FZR1: variants seen among roughly 807,000 people sequenced by gnomAD.
The protein encoded by FZR1 is fizzy and cell division cycle 20 related 1.
In FZR1, 11 loss-of-function variants were observed where a neutral mutation model predicts 63.6. That is an observed-to-expected ratio of 0.17 (90% CI 0.11 to 0.29). The LOEUF (loss-of-function observed/expected upper bound fraction) is 0.29, where lower values mean the gene tolerates loss of function less well. FZR1 is among the 10% of genes least tolerant of loss of function. The probability of loss-of-function intolerance (pLI) is 1.00; values close to 1 mark genes in which losing one functional copy is unlikely to be tolerated. For missense variants in FZR1, 440 were observed against 687.5 expected, an observed-to-expected ratio of 0.64 and a Z score of 4.03; for synonymous variants, 328 against 297.9, an observed-to-expected ratio of 1.10 and a Z score of -1.04.
Position 3,530,353 on chromosome 19 carries a change from A to AGGGAGAGCGGAT in FZR1, c.655-423_655-412dup, listed in dbSNP as rs1186681159. 7.2e-4 allele frequency among the ~76,000 whole-genome samples: 30 copies of AGGGAGAGCGGAT among 41,484 alleles called. 1 individual carries two copies. Among genetic ancestry groups the AGGGAGAGCGGAT allele is most frequent in the South Asian group, 1.9e-3 (2 of 1,066 alleles). The allele number at this position is 41,484 out of a possible 152,430, so 27.2% of individuals were successfully genotyped here. A position where few individuals can be genotyped will look rare whatever the true frequency, so the allele number is the denominator to read the frequency against. On this transcript the variant is annotated intron_variant, in intron 7 of 13. Transcript: ENST00000441788. ...TTGAGGGAGTGGATGGTTGAGCAGAAGGGAGAGCGGATGGGAGAGCGGATG... is the reference window on the plus strand; with the variant it reads ...TTGAGGGAGTGGATGGTTGAGCAGAAGGGAGAGCGGATGGGAGAGCGGATGGGAGAGCGGATG...
chr19:3,528,794 A>C lies in FZR1; in HGVS notation c.654+980A>C, dbSNP rs957826899. Among the ~76,000 whole-genome samples the C allele has an allele frequency of 2.9e-4, 36 of 124,406 alleles. No individual in the cohort carries two copies. The East Asian group carries it at 4.5e-3, about 16-fold the overall frequency. 81.6% of individuals were successfully genotyped at this position (124,406 alleles called of 152,430 possible). A position where few individuals can be genotyped will look rare whatever the true frequency, so the allele number is the denominator to read the frequency against. ...GCGTGGATGGGTGCGTGGATGGGAG[A>C]GTGGATGGGTACGTGGATGGGTGAG... On this transcript the variant is annotated intron_variant, in intron 7 of 13. Transcript: ENST00000441788.
At chr19:3,511,135 G>C (rs1310732769) in intron 1 of FZR1, among the ~76,000 whole-genome samples, 1 of 152,260 alleles carries the variant, frequency 6.6e-6, no homozygotes, top group Non-Finnish European at 1.5e-5. Context: ...GTGGGGCACT[G>C]CAGCCTTTTG....
chr19:3,521,592 C>G (rs2083102175), intron 1 of FZR1, among the ~76,000 whole-genome samples: 2 of 152,108 alleles, frequency 1.3e-5, no homozygotes, highest in African/African-American at 4.8e-5. Flanking sequence ...GCCTTCACCT[C>G]CCGGGTTCAA....
At chr19:3,517,100 A>AAAATGCC (rs1318461452) in intron 1 of FZR1, among the ~76,000 whole-genome samples, 1 of 152,232 alleles carries the variant, frequency 6.6e-6, no homozygotes, top group African/African-American at 2.4e-5. Flanking sequence ...TCATTCTGGA[A>AAAATGCC]AAATGCCAGC....
rs920159615 is a variant in FZR1, at chr19:3,515,094, G to A, written c.-34-7862G>A. On this transcript the variant is annotated intron_variant, in intron 1 of 13. Coordinates refer to ENST00000441788, the MANE Select transcript of FZR1 (RefSeq NM_016263.4). This position sits in a 1 kb window ranked among gnomAD's most constrained non-coding sequence, Gnocchi z 4.6. ...CCAGGGCAACCAAGCTGCAGGTGTC[G>A]GCCACACAGGCAGAGCCACAGCAGC... Among the ~76,000 whole-genome samples the A allele has an allele frequency of 1.3e-5, 2 of 152,126 alleles. No individual in the cohort carries two copies. Among genetic ancestry groups the A allele is most frequent in the African/African-American group, 2.4e-5 (1 of 41,420 alleles).
At position 3,535,062 on chromosome 19, in the gene FZR1, G is replaced by T; in HGVS notation, c.*226G>T. On this transcript the variant is annotated 3_prime_UTR_variant, in exon 14 of 14. Transcript: ENST00000441788. Reference sequence around the variant, plus strand: ...TGGTCGGGGACCCTCAGCAGCAGGGGCTCTGTCTCCCTTCCCAAAGGGCGA... The same window carrying T: ...TGGTCGGGGACCCTCAGCAGCAGGGTCTCTGTCTCCCTTCCCAAAGGGCGA... The T allele has an allele frequency of 1.7e-6, 1 of 584,394 alleles. No homozygotes were observed. The highest frequency in any genetic ancestry group is 4.6e-4 in the Middle Eastern group (1 of 2,182). The allele number at this position is 584,394 out of a possible 1,614,324, so 36.2% of individuals were successfully genotyped here.
intron 9 of FZR1, 34 bp downstream of exon 9, chr19:3,531,850 C>T: frequency 6.5e-7 from 1 of 1,550,380 alleles, no homozygotes; most frequent in Non-Finnish European, 8.7e-7. Context: ...TGGTGAGCTC[C>T]CTGAGGCCCC....
Position 3,525,298 on chromosome 19 carries a change from C to T in FZR1, c.70-570C>T, listed in dbSNP as rs1027441245. Among the ~76,000 whole-genome samples the T allele has an allele frequency of 1.5e-4, 23 of 152,150 alleles. No homozygotes were observed. Among genetic ancestry groups the T allele is most frequent in the Admixed American group, 1.2e-3 (18 of 15,278 alleles). ...CCACCCCGTCCCGTGGCCCTGCCCTCACCACCCTCCTGCCTGGCAGCGTTG... is the reference window on the plus strand; with the variant it reads ...CCACCCCGTCCCGTGGCCCTGCCCTTACCACCCTCCTGCCTGGCAGCGTTG... On this transcript the variant is annotated intron_variant, in intron 2 of 13. Coordinates refer to ENST00000441788, the MANE Select transcript of FZR1 (RefSeq NM_016263.4). This position sits in a 1 kb window ranked among gnomAD's most constrained non-coding sequence, Gnocchi z 4.2.
intron 10 of FZR1, 152 bp downstream of exon 10, chr19:3,532,247 C>T (rs2083255633): frequency 4.4e-6 from 4 of 915,704 alleles, no homozygotes; most frequent in Middle Eastern, 3.5e-4. Context: ...CCTGCTCAGC[C>T]AGTCCTGCCC....
rs944383793 is a variant in FZR1 at position 3,515,220 on chromosome 19, G to A, written c.-34-7736G>A. 4.6e-5 allele frequency among the ~76,000 whole-genome samples: 7 copies of A among 152,334 alleles called. No homozygotes were observed. Among genetic ancestry groups the A allele is most frequent in the Non-Finnish European group, 8.8e-5 (6 of 68,020 alleles). On this transcript the variant is annotated intron_variant, in intron 1 of 13. Transcript: ENST00000441788. The surrounding 1 kb of genome is among the most constrained non-coding windows in gnomAD (Gnocchi z 4.6). Reference sequence around the variant, plus strand: ...CACTGCTGATGTGCAGCGAGGGTCCGGGTTGCTGCTAAACTCCCTCGACCC... The same window carrying A: ...CACTGCTGATGTGCAGCGAGGGTCCAGGTTGCTGCTAAACTCCCTCGACCC...
At chr19:3,534,587 C>G in intron 13 of FZR1, 74 bp downstream of exon 13, 1 of 1,047,064 alleles carries the variant, frequency 9.6e-7, no homozygotes, top group Non-Finnish European at 1.5e-6. Context: ...CCCCACTGTC[C>G]TCGGGCGTAC....
In FZR1 at chr19:3,526,525, G is replaced by C. The variant is rs1384111335; in HGVS notation, c.387+139G>C. The C allele has an allele frequency of 1.5e-6, 1 of 658,996 alleles. No individual in the cohort carries two copies. Among genetic ancestry groups the C allele is most frequent in the East Asian group, 2.7e-5 (1 of 36,582 alleles). The allele number at this position is 658,996 out of a possible 1,614,324, so 40.8% of individuals were successfully genotyped here. A position where few individuals can be genotyped will look rare whatever the true frequency, so the allele number is the denominator to read the frequency against. Reference sequence around the variant, plus strand: ...GGCTCAGCACCCCCGCCCTGACCCTGTTCCTTAGCCAGGTCAGGGGCCCTG... The same window carrying C: ...GGCTCAGCACCCCCGCCCTGACCCTCTTCCTTAGCCAGGTCAGGGGCCCTG... On this transcript the variant is annotated intron_variant, in intron 5 of 13. Transcript: ENST00000441788. The surrounding 1 kb of genome is among the most constrained non-coding windows in gnomAD (Gnocchi z 5.4).
chr19:3,526,934 C>A lies in FZR1; in HGVS notation c.388-46C>A. 1 of 1,392,524 alleles carries A rather than the reference C, an allele frequency of 7.2e-7. No homozygotes were observed. Among genetic ancestry groups the A allele is most frequent in the Non-Finnish European group, 1.0e-6 (1 of 984,958 alleles). The allele number at this position is 1,392,524 out of a possible 1,614,324, so 86.3% of individuals were successfully genotyped here. On this transcript the variant is annotated intron_variant, in intron 5 of 13. Transcript: ENST00000441788. The surrounding 1 kb of genome is among the most constrained non-coding windows in gnomAD (Gnocchi z 5.4). ...GGGCTGCTGGGGGGCTCTGAGGGTC[C>A]TGCGGCCTGGGCGTGCGCTCAGCTG...
chr19:3,515,737 G>T lies in FZR1; in HGVS notation c.-34-7219G>T, dbSNP rs975290979. Among the ~76,000 whole-genome samples, 5 of 149,410 alleles carry T rather than the reference G, an allele frequency of 3.3e-5. No homozygotes were observed. The highest frequency in any genetic ancestry group is 5.0e-5 in the African/African-American group (2 of 40,186). On this transcript the variant is annotated intron_variant, in intron 1 of 13. Coordinates refer to ENST00000441788, the MANE Select transcript of FZR1 (RefSeq NM_016263.4). This position sits in a 1 kb window ranked among gnomAD's most constrained non-coding sequence, Gnocchi z 4.6. ...GCAGAGATCGCACCACTGCAGTCCAGCCTGGGTGACAGAGCCAGACTCCGT... is the reference window on the plus strand; with the variant it reads ...GCAGAGATCGCACCACTGCAGTCCATCCTGGGTGACAGAGCCAGACTCCGT...
In FZR1 at chr19:3,531,982, C is replaced by T; in HGVS notation, c.895C>T (p.Arg299Cys). ...CCGCATGATCCTGCAGAGGGACATC[C>T]GCACCCCGCCACTGCAGTCGGAGCG... ...RDRMILQRDI[R>C]TPPLQSERRL... is the part of the protein sequence containing the mutation. Residue 299 changes from arginine (R) to cysteine (C), a missense_variant, in exon 10 of 14, where the codon CGC becomes TGC. Physicochemically the swap from Arg to Cys is radical, Grantham distance 180. Transcript: ENST00000441788. 1 of 1,563,296 alleles carries T rather than the reference C, an allele frequency of 6.4e-7. No individual in the cohort carries two copies. Among genetic ancestry groups the T allele is most frequent in the Non-Finnish European group, 8.6e-7 (1 of 1,158,456 alleles).
intron 1 of FZR1, among the ~76,000 whole-genome samples, chr19:3,507,488 C>G (rs1396687526): frequency 6.6e-6 from 1 of 152,142 alleles, no homozygotes; most frequent in Non-Finnish European, 1.5e-5. Flanking sequence ...TTTCTCCACC[C>G]CAAACTCATC....
Position 3,529,121 on chromosome 19 carries a change from G to A in FZR1, c.654+1307G>A, listed in dbSNP as rs866829791. Among the ~76,000 whole-genome samples, 100 of 124,162 alleles carry A rather than the reference G, an allele frequency of 8.1e-4. 1 individual carries two copies. Among genetic ancestry groups the A allele is most frequent in the African/African-American group, 3.2e-3 (95 of 30,098 alleles). 81.5% of individuals were successfully genotyped at this position (124,162 alleles called of 152,430 possible). A position where few individuals can be genotyped will look rare whatever the true frequency, so the allele number is the denominator to read the frequency against. The stretch of plus-strand genomic sequence containing the variant: ...GGTTGAGCGGATGGGAGAGCGGATG[G>A]GAGAGCGGATGGGAGAGCGGATGGG... On this transcript the variant is annotated intron_variant, in intron 7 of 13. Transcript: ENST00000441788.
At chr19:3,538,332 T>TGAGGTGGCGTTCAGTACAGA (rs1175671090) in exon 14 of FZR1, 1 of 189,860 alleles carries the variant, frequency 5.3e-6, no homozygotes, top group African/African-American at 2.4e-5. Flanking sequence ...CGTCTTACAG[T>TGAGGTGGCGTTCAGTACAGA]GAGGTGGCGT....
At chr19:3,529,623 T>TGG (rs773892895) in intron 7 of FZR1, among the ~76,000 whole-genome samples, 1 of 144,132 alleles carries the variant, frequency 6.9e-6, no homozygotes, top group Non-Finnish European at 1.5e-5. Context: ...GTTGAGCAGA[T>TGG]GGGAGAGCGG....
Sources: allele counts gnomAD v4.1 joint callset (sites outside exome capture counted in the v4.1 genomes callset), GRCh38; gene constraint gnomAD v4.1.1; non-coding constraint Gnocchi (gnomAD v3.1); transcripts MANE v1.5; gene names NCBI Gene and HGNC (gene_info 2026-07-23, HGNC 2026-07-21).